FKBP10: variants seen among roughly 807,000 people sequenced by gnomAD.
FKBP10 encodes the protein FKBP prolyl isomerase 10, also known as peptidyl-prolyl cis-trans isomerase FKBP10.
In FKBP10, 34 loss-of-function variants were observed where a neutral mutation model predicts 53.7. That is an observed-to-expected ratio of 0.63 (90% CI 0.48 to 0.84). The LOEUF (loss-of-function observed/expected upper bound fraction) is 0.84, where lower values mean the gene tolerates loss of function less well. Ranked by LOEUF, FKBP10 falls within the 40% of genes least tolerant of loss-of-function variation. The pLI, the probability that FKBP10 is intolerant of heterozygous loss-of-function variation, is 0.00. For missense variants in FKBP10, 748 were observed against 797.8 expected, an observed-to-expected ratio of 0.94 and a Z score of 0.75; for synonymous variants, 324 against 335.7, an observed-to-expected ratio of 0.97 and a Z score of 0.38.
At position 41,817,232 on chromosome 17, in the gene FKBP10, G is replaced by A. The variant is rs782687260; in HGVS notation, c.391+29G>A. ...AGAAGGGCTGGGGCACAGGCCGGGG[G>A]TGGAGGAGACCACGAGGCAGAATCA... On this transcript the variant is annotated intron_variant, in intron 2 of 9. Coordinates refer to ENST00000321562, the MANE Select transcript of FKBP10 (RefSeq NM_021939.4). The A allele has an allele frequency of 1.7e-5, 28 of 1,608,484 alleles. No homozygotes were observed. In the Admixed American group the frequency reaches 3.0e-4, roughly 17 times the overall value.
At position 41,822,808 on chromosome 17, in the gene FKBP10, CT is replaced by C. The variant is rs2047908822; in HGVS notation, c.*404del. On this transcript the variant is annotated 3_prime_UTR_variant, in exon 10 of 10. Coordinates refer to ENST00000321562, the MANE Select transcript of FKBP10 (RefSeq NM_021939.4). ...TTCTTGTCATCCCCACTCCCAGCCC[CT>C]TTTCCTCTATGTGACAGCTCCCTAG... 2.9e-6 allele frequency: 1 copy of C among 341,300 alleles called. No homozygotes were observed. Among genetic ancestry groups the C allele is most frequent in the Non-Finnish European group, 5.7e-6 (1 of 175,286 alleles). The allele number at this position is 341,300 out of a possible 1,614,324, so 21.1% of individuals were successfully genotyped here.
chr17:41,821,070 G>C lies in FKBP10; in HGVS notation c.1380G>C (p.Leu460=). 1 of 1,561,932 alleles carries C rather than the reference G, an allele frequency of 6.4e-7. No individual in the cohort carries two copies. Among genetic ancestry groups the C allele is most frequent in the Non-Finnish European group, 8.7e-7 (1 of 1,152,720 alleles). The stretch of plus-strand genomic sequence containing the variant: ...GGCAGCTCATCGTGCCCCCGCACCT[G>C]GCCCACGGGGAGAGTGGAGGTGAGG... ...ERRQLIVPPH[L]AHGESGARGV... Residue 460 remains leucine (L), a synonymous_variant, in exon 8 of 10, where the codon CTG becomes CTC. Coordinates refer to ENST00000321562, the MANE Select transcript of FKBP10 (RefSeq NM_021939.4).
At chr17:41,813,371 A>G in intron 1 of FKBP10, 92 bp downstream of exon 1, 1 of 1,557,032 alleles carries the variant, frequency 6.4e-7, no homozygotes. Context: ...TCTGCATCCC[A>G]ATACTCTAAC....
At chr17:41,820,541 C>T in intron 7 of FKBP10, 80 bp downstream of exon 7, 1 of 1,435,098 alleles carries the variant, frequency 7.0e-7, no homozygotes, top group Non-Finnish European at 9.7e-7. Context: ...CCCCCGACGC[C>T]TGCTCCTCCC....
At chr17:41,818,048 G>A (rs1555616316) in intron 2 of FKBP10, 41 bp from the exon 3 acceptor site, 1 of 1,555,244 alleles carries the variant, frequency 6.4e-7, no homozygotes, top group Non-Finnish European at 8.7e-7. Flanking sequence ...GTGGTTGGCA[G>A]AGCAGAACTC....
At chr17:41,815,176 T>C (rs940816507) in intron 1 of FKBP10, among the ~76,000 whole-genome samples, 5 of 152,224 alleles carry the variant, frequency 3.3e-5, no homozygotes, top group Admixed American at 6.5e-5. Flanking sequence ...GACAGCCAGC[T>C]GGACCTGGGG....
At chr17:41,816,384 C>T (rs1260299689) in intron 1 of FKBP10, among the ~76,000 whole-genome samples, 5 of 151,652 alleles carry the variant, frequency 3.3e-5, no homozygotes, top group Non-Finnish European at 7.4e-5. Flanking sequence ...GCGCCCGCCA[C>T]CACACCTGGC....
intron 9 of FKBP10, 23 bp from the exon 10 acceptor site, chr17:41,822,200 C>T (rs781974583): frequency 1.7e-5 from 27 of 1,605,554 alleles, no homozygotes; most frequent in African/African-American, 1.6e-4. Flanking sequence ...ACTGCCCGCT[C>T]CCCCGGCTCT....
In FKBP10 at chr17:41,814,947, T is replaced by G. The variant is rs12451004; in HGVS notation, c.245+1668T>G. On this transcript the variant is annotated intron_variant, in intron 1 of 9. Transcript: ENST00000321562. ...TGTTTTTTGAGACACAGTCTCACACTGTTGCCTGGGCTGGAGTGCAATGGA... is the reference window on the plus strand; with the variant it reads ...TGTTTTTTGAGACACAGTCTCACACGGTTGCCTGGGCTGGAGTGCAATGGA... 1.2e-3 allele frequency among the ~76,000 whole-genome samples: 182 copies of G among 152,278 alleles called. 5 individuals are homozygous for G. The highest frequency in any genetic ancestry group is 0.01 in the Admixed American group (160 of 15,276).
At chr17:41,819,717 A>G in intron 6 of FKBP10, 42 bp downstream of exon 6, 1 of 1,573,732 alleles carries the variant, frequency 6.4e-7, no homozygotes, top group Non-Finnish European at 8.6e-7. Context: ...CCTCCTCCGA[A>G]CTGCCCATTG....
Position 41,820,984 on chromosome 17 carries a change from G to A in FKBP10, c.1294G>A (p.Ala432Thr), listed in dbSNP as rs782060402. 6 of 1,611,864 alleles carry A rather than the reference G, an allele frequency of 3.7e-6. No individual in the cohort carries two copies. The highest frequency in any genetic ancestry group is 5.1e-6 in the Non-Finnish European group (6 of 1,179,340). ...GGCCCCCCAGGAGGCGACTCTCGGG[G>A]CCAACAAGGTGATCGAAGGCCTGGA... ...YGAPQEATLG[A>T]NKVIEGLDTG... The change falls in exon 8 of 10, where the codon GCC becomes ACC. Residue 432 changes from alanine to threonine, a missense_variant. Physicochemically the swap from Ala to Thr is moderately conservative, Grantham distance 58. Transcript: ENST00000321562.
chr17:41,817,040 C>T lies in FKBP10; in HGVS notation c.246-18C>T, dbSNP rs2047824460. On this transcript the variant is annotated intron_variant, in intron 1 of 9. Transcript: ENST00000321562. ...TGTGTCTGAGGTCACTGTATCCCATCTGTCCCTCCCCCCCCAGCTATGATC... is the reference window on the plus strand; with the variant it reads ...TGTGTCTGAGGTCACTGTATCCCATTTGTCCCTCCCCCCCCAGCTATGATC... 1.2e-6 allele frequency: 2 copies of T among 1,613,950 alleles called. No individual in the cohort carries two copies. Among genetic ancestry groups the T allele is most frequent in the Admixed American group, 1.7e-5 (1 of 60,032 alleles).
At chr17:41,817,342 C>A in intron 2 of FKBP10, 139 bp downstream of exon 2, 1 of 1,199,826 alleles carries the variant, frequency 8.3e-7, no homozygotes, top group Non-Finnish European at 1.2e-6. Flanking sequence ...TGAAGAGTGG[C>A]AGCTCTGGCT....
At position 41,819,367 on chromosome 17, in the gene FKBP10, C is replaced by G. The variant is rs138344301; in HGVS notation, c.885C>G (p.Gly295=). The part of the protein sequence containing the change: ...AGDFMRYHYN[G]SLMDGTLFDS... ...ACTTCATGCGCTACCACTACAATGG[C>G]TCCTTGATGGACGGCACCCTCTTCG... Residue 295 remains glycine (G), a synonymous_variant, in exon 5 of 10, where the codon GGC becomes GGG. Transcript: ENST00000321562. 1.2e-6 allele frequency: 2 copies of G among 1,613,922 alleles called. No homozygotes were observed. The highest frequency in any genetic ancestry group is 2.7e-5 in the African/African-American group (2 of 74,876).
chr17:41,817,835 C>A lies in FKBP10; in HGVS notation c.392-254C>A, dbSNP rs80145172. On this transcript the variant is annotated intron_variant, in intron 2 of 9. Transcript: ENST00000321562. Reference sequence around the variant, plus strand: ...GTAGAGATGGGGTTTCGCCATGTTGCGCAGGCTGGTCTTGAACTCCTGGGC... The same window carrying A: ...GTAGAGATGGGGTTTCGCCATGTTGAGCAGGCTGGTCTTGAACTCCTGGGC... Among the ~76,000 whole-genome samples, 3 of 151,934 alleles carry A rather than the reference C, an allele frequency of 2.0e-5. No individual in the cohort carries two copies. In the East Asian group the frequency reaches 5.8e-4, roughly 30 times the overall value.
Position 41,813,040 on chromosome 17 carries a change from C to G in FKBP10, c.6C>G (p.Phe2Leu), listed in dbSNP as rs1555615644. The change falls in exon 1 of 10, where the codon TTC becomes TTG. Residue 2 changes from phenylalanine (F) to leucine (L), a missense_variant. Transcript: ENST00000321562. M[F>L]PAGPPSHSLL... Reference sequence around the variant, plus strand: ...CGGTCCCAACTCCAGGCACCATGTTCCCCGCGGGCCCCCCCAGCCACAGCC... The same window carrying G: ...CGGTCCCAACTCCAGGCACCATGTTGCCCGCGGGCCCCCCCAGCCACAGCC... 3 of 1,609,756 alleles carry G rather than the reference C, an allele frequency of 1.9e-6. No homozygotes were observed. The highest frequency in any genetic ancestry group is 8.5e-7 in the Non-Finnish European group (1 of 1,179,526).
rs547953675 is a variant in FKBP10 at position 41,820,770 on chromosome 17, T to G, written c.1257-177T>G. 4.5e-6 allele frequency: 4 copies of G among 888,012 alleles called. No individual in the cohort carries two copies. In the South Asian group the frequency reaches 7.1e-5, roughly 16 times the overall value. 55.0% of individuals were successfully genotyped at this position (888,012 alleles called of 1,614,324 possible). A position where few individuals can be genotyped will look rare whatever the true frequency, so the allele number is the denominator to read the frequency against. Reference sequence around the variant, plus strand: ...CACACTTTAGGGGGCAGAGGCAAGATGAGAAGGGAACCCCACGTCTGCACA... The same window carrying G: ...CACACTTTAGGGGGCAGAGGCAAGAGGAGAAGGGAACCCCACGTCTGCACA... On this transcript the variant is annotated intron_variant, in intron 7 of 9. Coordinates refer to ENST00000321562, the MANE Select transcript of FKBP10 (RefSeq NM_021939.4).
At chr17:41,817,317 A>G (rs756749818) in intron 2 of FKBP10, 114 bp downstream of exon 2, 2 of 1,382,486 alleles carry the variant, frequency 1.4e-6, no homozygotes, top group Admixed American at 1.9e-5. Context: ...CCAATGTCAC[A>G]CTGTGCACGC....
Position 41,818,955 on chromosome 17 carries a change from C to CA in FKBP10, c.728-236dup, listed in dbSNP as rs11431436. 0.26 allele frequency: 67,776 copies of CA among 261,940 alleles called. 4,431 individuals carry two copies. Among genetic ancestry groups the CA allele is most frequent in the Admixed American group, 0.33 (4,792 of 14,614 alleles). 16.2% of individuals were successfully genotyped at this position (261,940 alleles called of 1,614,324 possible). A position where few individuals can be genotyped will look rare whatever the true frequency, so the allele number is the denominator to read the frequency against. On this transcript the variant is annotated intron_variant, in intron 4 of 9. Transcript: ENST00000321562. ...TGGGTGACAGAGCGAGACTCTGTCT[C>CA]AAAAAAAAAAAAAAAAAAAGAAGGG...
Sources: gnomAD v4.1 joint callset for allele counts (sites outside exome capture counted in the v4.1 genomes callset) on GRCh38, gnomAD v4.1.1 for gene constraint, MANE v1.5 for transcripts, NCBI Gene and HGNC (gene_info 2026-07-23, HGNC 2026-07-21) for gene names.